The following GAB3 variants were observed in gnomAD, a reference collection of about 807,000 sequenced individuals.
GAB3 encodes the protein GRB2-associated-binding protein 3.
In GAB3, 12 loss-of-function variants were observed where a neutral mutation model predicts 40.4. The ratio of observed to expected loss-of-function variants is 0.30; its 90% CI spans 0.19 to 0.48. The LOEUF is 0.48. GAB3 is among the 20% of genes least tolerant of loss of function. The pLI is 0.99. For missense variants in GAB3, 381 were observed against 461.9 expected (o/e 0.82, Z 1.61); for synonymous variants, 154 against 176.7 (o/e 0.87, Z 1.02).
chrX:154,687,893 C>G (rs1260143845), intron 8 of GAB3, among the ~76,000 whole-genome samples: 4 of 111,943 alleles, frequency 3.6e-5, no homozygotes, highest in African/African-American at 1.3e-4. Context: ...TGATTTATTA[C>G]AGAGGTGCAA....
At chrX:154,745,878 C>T (rs1027186981) in intron 1 of GAB3, among the ~76,000 whole-genome samples, 2 of 110,010 alleles carry the variant, frequency 1.8e-5, no homozygotes, top group African/African-American at 6.6e-5. Flanking sequence ...ATGGCAAAAC[C>T]CTGTCTCTAC....
At chrX:154,688,521 C>A (rs782748438) in intron 8 of GAB3, among the ~76,000 whole-genome samples, 3 of 110,982 alleles carry the variant, frequency 2.7e-5, no homozygotes, top group African/African-American at 9.8e-5. Context: ...CTCAGATGAT[C>A]CTCCCACCTC....
At chrX:154,696,216 C>T (rs1557250681) in intron 7 of GAB3, 197 bp from the exon 8 acceptor site, 1 of 244,202 alleles carries the variant, frequency 4.1e-6, no homozygotes, top group South Asian at 1.2e-4. Context: ...GCTCCCAATT[C>T]ACAAAGGCTG....
chrX:154,700,822 G>GGCCCTCA lies in GAB3; in HGVS notation c.1070-770_1070-764dup, dbSNP rs1427820716. ...CAGCATGTGGTGGCCAGAGCAAAGT[G>GGCCCTCA]GCCCTCAGCCCTCAGCCCTCAAGAG... On this transcript the variant is annotated intron_variant, in intron 4 of 9. Coordinates refer to ENST00000424127, the MANE Select transcript of GAB3 (RefSeq NM_001081573.3). 7.9e-4 allele frequency among the ~76,000 whole-genome samples: 88 copies of GGCCCTCA among 111,041 alleles called. 1 individual carries two copies. Among genetic ancestry groups the GGCCCTCA allele is most frequent in the Non-Finnish European group, 2.5e-4 (13 of 53,003 alleles).
chrX:154,690,449 G>A (rs1484060232), intron 8 of GAB3, among the ~76,000 whole-genome samples: 4 of 111,789 alleles, frequency 3.6e-5, no homozygotes, highest in Non-Finnish European at 7.5e-5. Context: ...CTTCTGCACA[G>A]CAAAAGAAAC....
At chrX:154,679,347 A>C (rs967356905) in intron 9 of GAB3, 1 of 277,906 alleles carries the variant, frequency 3.6e-6, no homozygotes, top group African/African-American at 2.9e-5. Context: ...GGCCTGCAAT[A>C]AAAGAGCCTT....
At chrX:154,750,919 G>C in intron 1 of GAB3, 35 bp downstream of exon 1, 1 of 768,483 alleles carries the variant, frequency 1.3e-6, no homozygotes. Flanking sequence ...GCCCCGGGAC[G>C]CGAAGGCCGG....
In GAB3 at chrX:154,741,449, G is replaced by A. The variant is rs782061337; in HGVS notation, c.72+9505C>T. On this transcript the variant is annotated intron_variant, in intron 1 of 9. Coordinates refer to ENST00000424127, the MANE Select transcript of GAB3 (RefSeq NM_001081573.3). Reference sequence around the variant, plus strand: ...TCCCAGCACTTTGGGAGGCCGAGGCGGGTGGATCACGAGGTCAGGAGTTCA... The same window carrying A: ...TCCCAGCACTTTGGGAGGCCGAGGCAGGTGGATCACGAGGTCAGGAGTTCA... Among the ~76,000 whole-genome samples the A allele has an allele frequency of 1.1e-4, 12 of 110,447 alleles. No homozygotes were observed. In the South Asian group the frequency reaches 1.5e-3, roughly 14 times the overall value.
chrX:154,713,211 T>C lies in GAB3; in HGVS notation c.592A>G (p.Thr198Ala). Residue 198 changes from threonine to alanine, a missense_variant, in exon 3 of 10, where the codon ACC becomes GCC. Physicochemically the swap from Thr to Ala is moderately conservative, Grantham distance 58. Transcript: ENST00000424127. ...GAGTCCTGGGCATAAGCATACCTGGTATGGTGCAGTCTTCCAGTCTCGCAG... is the reference window on the plus strand; with the variant it reads ...GAGTCCTGGGCATAAGCATACCTGGCATGGTGCAGTCTTCCAGTCTCGCAG... ...SNCETGRLHH[T>A]SLPTRCDSWS... The C allele has an allele frequency of 8.3e-7, 1 of 1,204,186 alleles. No individual in the cohort carries two copies. Among genetic ancestry groups the C allele is most frequent in the Non-Finnish European group, 1.1e-6 (1 of 889,119 alleles).
intron 1 of GAB3, among the ~76,000 whole-genome samples, chrX:154,728,214 C>T (rs2071241109): frequency 8.9e-6 from 1 of 112,025 alleles, no homozygotes; most frequent in Non-Finnish European, 1.9e-5. Context: ...CTTTCCAACT[C>T]AGGCTGAGGG....
chrX:154,700,145 A>G (rs1557251861), intron 4 of GAB3, 86 bp from the exon 5 acceptor site: 4 of 744,268 alleles, frequency 5.4e-6, no homozygotes, highest in East Asian at 6.4e-5. Flanking sequence ...GCATAACACA[A>G]CAGTTGCTAT....
intron 4 of GAB3, among the ~76,000 whole-genome samples, chrX:154,706,528 A>T (rs1277290234): frequency 1.8e-5 from 2 of 111,740 alleles, no homozygotes; most frequent in African/African-American, 6.5e-5. Context: ...CAGTATATCA[A>T]TTACGTTCTT....
At chrX:154,684,481 C>T (rs1272019565) in intron 8 of GAB3, among the ~76,000 whole-genome samples, 1 of 111,233 alleles carries the variant, frequency 9.0e-6, no homozygotes, top group Non-Finnish European at 1.9e-5. Flanking sequence ...CAGAGTTGTT[C>T]ACAAAATTCT....
At chrX:154,733,805 C>T (rs1400785812) in intron 1 of GAB3, among the ~76,000 whole-genome samples, 4 of 111,680 alleles carry the variant, frequency 3.6e-5, no homozygotes, top group Non-Finnish European at 7.5e-5. Context: ...TTTTTTGTAC[C>T]GTAAGCTCTT....
At chrX:154,749,694 C>G (rs1451502227) in intron 1 of GAB3, among the ~76,000 whole-genome samples, 1 of 112,422 alleles carries the variant, frequency 8.9e-6, no homozygotes, top group Non-Finnish European at 1.9e-5. Flanking sequence ...AAGTTCTGTT[C>G]TGCAGAACAA....
chrX:154,689,077 G>T (rs2070507502), intron 8 of GAB3, among the ~76,000 whole-genome samples: 1 of 110,938 alleles, frequency 9.0e-6, no homozygotes, highest in Admixed American at 9.5e-5. Context: ...ATGATCAAGT[G>T]GGCTTCATCC....
At chrX:154,701,421 G>A (rs1010766174) in intron 4 of GAB3, among the ~76,000 whole-genome samples, 3 of 112,270 alleles carry the variant, frequency 2.7e-5, no homozygotes, top group Non-Finnish European at 5.6e-5. Context: ...GATAATTTAA[G>A]AGATTTGTGA....
At chrX:154,706,665 T>C (rs1481033343) in intron 4 of GAB3, among the ~76,000 whole-genome samples, 1 of 110,209 alleles carries the variant, frequency 9.1e-6, no homozygotes, top group Non-Finnish European at 1.9e-5. Context: ...GTAATCCCAG[T>C]ACGTTGGGAA....
intron 1 of GAB3, among the ~76,000 whole-genome samples, chrX:154,736,402 C>T (rs1294682554): frequency 2.7e-5 from 3 of 112,257 alleles, no homozygotes; most frequent in Admixed American, 1.9e-4. Context: ...CAACCAGATA[C>T]GATTTTCCTC....
Sources: allele counts gnomAD v4.1 joint callset (sites outside exome capture counted in the v4.1 genomes callset), GRCh38; gene constraint gnomAD v4.1.1; transcripts MANE v1.5; gene names NCBI Gene and HGNC (gene_info 2026-07-23, HGNC 2026-07-21).